PPP1R21: variants seen among roughly 807,000 people sequenced by gnomAD.
PPP1R21 encodes the protein KLRAQ motif containing 1.
PPP1R21 carries 85 observed loss-of-function variants against 112.8 expected under a neutral mutation model. The ratio of observed to expected loss-of-function variants is 0.75; its 90% CI spans 0.63 to 0.90. The LOEUF is 0.90. Among genes scored for constraint, PPP1R21 ranks in the 40% least tolerant of loss-of-function variants. The pLI is 0.00. For missense variants in PPP1R21, 1,199 were observed against 901.5 expected (o/e 1.33, Z -4.23); for synonymous variants, 381 against 322.3 (o/e 1.18, Z -1.95).
chr2:48,469,000 T>C (rs546969241), intron 9 of PPP1R21, among the ~76,000 whole-genome samples: 1 of 151,948 alleles, frequency 6.6e-6, no homozygotes, highest in African/African-American at 2.4e-5. Context: ...GGCCTCAGAA[T>C]CATCGCGGGA....
At chr2:48,471,414 C>A in intron 11 of PPP1R21, 47 bp downstream of exon 11, 1 of 1,533,664 alleles carries the variant, frequency 6.5e-7, no homozygotes, top group Non-Finnish European at 8.8e-7. Context: ...GTGGGTGTAA[C>A]CTGATCTGGC....
At chr2:48,466,928 A>G (rs1423369134) in intron 9 of PPP1R21, among the ~76,000 whole-genome samples, 2 of 152,180 alleles carry the variant, frequency 1.3e-5, no homozygotes, top group African/African-American at 4.8e-5. Flanking sequence ...CAAGACATAG[A>G]CCTTCACTTT....
Position 48,507,136 on chromosome 2 carries a change from G to A in PPP1R21, c.1969-133G>A, listed in dbSNP as rs1195136763. On this transcript the variant is annotated intron_variant, in intron 18 of 21. Coordinates refer to ENST00000294952, the MANE Select transcript of PPP1R21 (RefSeq NM_001135629.3). Reference sequence around the variant, plus strand: ...GCTATGTCTGAAGTTTCTTCGAGGGGGTAGGAAAACAGTGATTCCCCATCA... The same window carrying A: ...GCTATGTCTGAAGTTTCTTCGAGGGAGTAGGAAAACAGTGATTCCCCATCA... 13 of 1,280,290 alleles carry A rather than the reference G, an allele frequency of 1.0e-5. No individual in the cohort carries two copies. The Admixed American group carries it at 3.6e-4, about 36-fold the overall frequency. 79.3% of individuals were successfully genotyped at this position (1,280,290 alleles called of 1,614,324 possible).
chr2:48,452,520 ATAAT>A (rs1667521608), intron 2 of PPP1R21, among the ~76,000 whole-genome samples: 1 of 150,120 alleles, frequency 6.7e-6, no homozygotes, highest in Non-Finnish European at 1.5e-5. Context: ...ATTATATATT[ATAAT>A]TATATAATAT....
chr2:48,453,918 T>G (rs1667594561), intron 2 of PPP1R21, among the ~76,000 whole-genome samples: 1 of 152,196 alleles, frequency 6.6e-6, no homozygotes, highest in Non-Finnish European at 1.5e-5. Flanking sequence ...TTCTTCCCAT[T>G]CTTTTTCACT....
intron 3 of PPP1R21, among the ~76,000 whole-genome samples, chr2:48,456,245 T>G (rs1329177430): frequency 6.7e-6 from 1 of 148,396 alleles, no homozygotes; most frequent in African/African-American, 2.5e-5. Context: ...ATTAAGAGAT[T>G]GCTGCTCTTT....
rs1572881430 is a variant in PPP1R21, at chr2:48,492,424, C to G, written c.1599+1254C>G. On this transcript the variant is annotated intron_variant, in intron 15 of 21. Transcript: ENST00000294952. Reference sequence around the variant, plus strand: ...TTTGTTTAAAATAATGACTTAGAGACTGTCTATGTCATTTCACGTGGAACT... The same window carrying G: ...TTTGTTTAAAATAATGACTTAGAGAGTGTCTATGTCATTTCACGTGGAACT... 2.0e-5 allele frequency among the ~76,000 whole-genome samples: 3 copies of G among 151,904 alleles called. No individual in the cohort carries two copies. The East Asian group carries it at 5.8e-4, about 29-fold the overall frequency.
At chr2:48,481,144 A>G (rs1422044744) in intron 13 of PPP1R21, among the ~76,000 whole-genome samples, 3 of 152,126 alleles carry the variant, frequency 2.0e-5, no homozygotes, top group Non-Finnish European at 2.9e-5. Flanking sequence ...ACACACCACC[A>G]TGCCTGGCTA....
chr2:48,504,027 T>A (rs1670257314), intron 17 of PPP1R21, among the ~76,000 whole-genome samples: 1 of 152,106 alleles, frequency 6.6e-6, no homozygotes, highest in Non-Finnish European at 1.5e-5. Flanking sequence ...GTACCCATTT[T>A]CAAATCATAA....
At chr2:48,470,229 G>C (rs1428962159) in intron 9 of PPP1R21, among the ~76,000 whole-genome samples, 1 of 152,092 alleles carries the variant, frequency 6.6e-6, no homozygotes, top group African/African-American at 2.4e-5. Context: ...GTTATAAAAA[G>C]TTATTAAGCT....
intron 21 of PPP1R21, among the ~76,000 whole-genome samples, chr2:48,512,182 C>A (rs1459914384): frequency 6.6e-6 from 1 of 151,628 alleles, no homozygotes; most frequent in South Asian, 2.1e-4. Context: ...GAATGTCTTA[C>A]CCTTTTAACT....
chr2:48,473,588 A>T (rs1375676977), intron 11 of PPP1R21, among the ~76,000 whole-genome samples: 2 of 152,206 alleles, frequency 1.3e-5, no homozygotes, highest in Non-Finnish European at 2.9e-5. Context: ...CATTGGTTTA[A>T]ATACCACTTT....
At chr2:48,490,929 C>G in intron 14 of PPP1R21, 89 bp from the exon 15 acceptor site, 1 of 1,162,116 alleles carries the variant, frequency 8.6e-7, no homozygotes. Flanking sequence ...TTCTCAACAT[C>G]TTTAAACTTT....
intron 17 of PPP1R21, among the ~76,000 whole-genome samples, chr2:48,501,656 A>G (rs1375679304): frequency 1.3e-5 from 2 of 152,084 alleles, no homozygotes; most frequent in Non-Finnish European, 2.9e-5. Context: ...ACATAAACTC[A>G]TTTGTTAGCC....
At chr2:48,473,750 CT>C (rs978368435) in intron 11 of PPP1R21, among the ~76,000 whole-genome samples, 36 of 146,516 alleles carry the variant, frequency 2.5e-4, no homozygotes, top group Non-Finnish European at 3.5e-4. Flanking sequence ...GTCTAAAAAC[CT>C]TTTTTTTTTG....
In PPP1R21 at chr2:48,505,558, T is replaced by A. The variant is rs1670335755; in HGVS notation, c.1936-6T>A. The A allele has an allele frequency of 2.0e-5, 31 of 1,547,776 alleles. No individual in the cohort carries two copies. Among genetic ancestry groups the A allele is most frequent in the Non-Finnish European group, 2.6e-5 (30 of 1,142,844 alleles). ...GTTCTAAAAGATTTTTCCCCTTATG[T>A]TCTAGATTGGGACTTTAACCAGGAC... is the stretch of plus-strand genomic sequence containing the variant. On this transcript the variant is annotated splice_polypyrimidine_tract_variant and splice_region_variant and intron_variant, in intron 17 of 21. Coordinates refer to ENST00000294952, the MANE Select transcript of PPP1R21 (RefSeq NM_001135629.3).
At chr2:48,458,572 C>A (rs1001421583) in intron 4 of PPP1R21, among the ~76,000 whole-genome samples, 1 of 148,712 alleles carries the variant, frequency 6.7e-6, no homozygotes, top group African/African-American at 2.5e-5. Context: ...TTTTTCCCTC[C>A]CCCTCCCTTT....
rs1487636450 is a variant in PPP1R21, at chr2:48,498,543, T to C, written c.1743T>C (p.His581=). The C allele has an allele frequency of 3.7e-6, 6 of 1,614,142 alleles. No individual in the cohort carries two copies. Among genetic ancestry groups the C allele is most frequent in the Middle Eastern group, 3.3e-4 (2 of 6,062 alleles). Residue 581 remains histidine (H), a synonymous_variant, in exon 17 of 22, where the codon CAT becomes CAC. Transcript: ENST00000294952. ...KISKLEQEKE[H]WMLEAQLAKI... is the part of the protein sequence containing the mutation. ...CTAAACTGGAGCAGGAAAAAGAACA[T>C]TGGATGTTGGAAGCACAATTAGCCA...
intron 8 of PPP1R21, 76 bp from the exon 9 acceptor site, chr2:48,465,417 C>T (rs958831536): frequency 1.4e-5 from 18 of 1,314,812 alleles, no homozygotes; most frequent in Non-Finnish European, 1.8e-5. Flanking sequence ...ATGTTTTCTC[C>T]AGATCAGACT....
Sources: allele counts gnomAD v4.1 joint callset (sites outside exome capture counted in the v4.1 genomes callset), GRCh38; gene constraint gnomAD v4.1.1; transcripts MANE v1.5; gene names NCBI Gene and HGNC (gene_info 2026-07-23, HGNC 2026-07-21).